Variants in TPTE observed in about 807,000 individuals in gnomAD.
TPTE encodes putative tyrosine-protein phosphatase TPTE.
In TPTE, 59 loss-of-function variants were observed where a neutral mutation model predicts 84.1. The observed-to-expected ratio is 0.70, with a 90% CI of 0.57 to 0.87. TPTE has a LOEUF of 0.87. Among genes scored for constraint, TPTE ranks in the 40% least tolerant of loss-of-function variants. TPTE has a pLI of 0.00. For missense variants in TPTE, 382 were observed against 659.6 expected, an observed-to-expected ratio of 0.58 and a Z score of 4.61; for synonymous variants, 130 against 223.5, an observed-to-expected ratio of 0.58 and a Z score of 3.73.
At chr21:10,553,622 T>C (rs560561395) in intron 8 of TPTE, among the ~76,000 whole-genome samples, 1 of 152,426 alleles carries the variant, frequency 6.6e-6, no homozygotes, top group South Asian at 2.1e-4. Context: ...TTTTATTTTA[T>C]TTTTAAATTA....
chr21:10,556,347 C>T (rs2074683274), intron 8 of TPTE, among the ~76,000 whole-genome samples: 1 of 152,312 alleles, frequency 6.6e-6, no homozygotes, highest in African/African-American at 2.4e-5. Flanking sequence ...CCAGCTTCAT[C>T]CATGTCCCTA....
At chr21:10,594,441 A>G (rs1277504951) in intron 19 of TPTE, among the ~76,000 whole-genome samples, 4 of 152,296 alleles carry the variant, frequency 2.6e-5, no homozygotes, top group African/African-American at 7.2e-5. Context: ...CCCTTTTCTC[A>G]TAATGTTTTC....
chr21:10,540,990 T>TA, intron 4 of TPTE, 122 bp from the exon 5 acceptor site: 1 of 1,425,550 alleles, frequency 7.0e-7, no homozygotes, highest in Non-Finnish European at 9.7e-7. Context: ...AATTTAGTGA[T>TA]ATACATACAT....
intron 8 of TPTE, among the ~76,000 whole-genome samples, chr21:10,555,287 A>G (rs543499086): frequency 3.5e-3 from 535 of 152,170 alleles, no homozygotes; most frequent in African/African-American, 8.2e-3. Flanking sequence ...GCTCACTGCA[A>G]CCTCCACTTC....
intron 3 of TPTE, among the ~76,000 whole-genome samples, chr21:10,531,353 G>A (rs1490022677): frequency 1.3e-5 from 2 of 152,308 alleles, no homozygotes; most frequent in South Asian, 2.1e-4. Context: ...AGAGACAAGC[G>A]GCTTCCCGCA....
In TPTE at chr21:10,598,085, A is replaced by C. The variant is rs540023549; in HGVS notation, c.1347A>C (p.Gly449=). 2.5e-5 allele frequency: 41 copies of C among 1,613,608 alleles called. No individual in the cohort carries two copies. The South Asian group carries it at 4.3e-4, about 17-fold the overall frequency. ...KKVVFSTISL[G]KCSVLDNITT... ...TTGTCTTTTCCACTATTTCATTAGGAAAATGTTCGGTAAGAGAAAACATGT... is the reference window on the plus strand; with the variant it reads ...TTGTCTTTTCCACTATTTCATTAGGCAAATGTTCGGTAAGAGAAAACATGT... The change falls in exon 21 of 24, where the codon GGA becomes GGC. Residue 449 remains glycine (G), a synonymous_variant. Transcript: ENST00000618007.
At chr21:10,584,951 C>T (rs1303968146) in intron 17 of TPTE, among the ~76,000 whole-genome samples, 122 of 151,922 alleles carry the variant, frequency 8.0e-4, no homozygotes, top group African/African-American at 2.9e-3. Context: ...AATTCCTTGG[C>T]TGGGCGCCTT....
intron 3 of TPTE, among the ~76,000 whole-genome samples, chr21:10,537,721 A>G (rs2074293002): frequency 6.6e-6 from 1 of 152,300 alleles, no homozygotes; most frequent in South Asian, 2.1e-4. Flanking sequence ...AAATCAATAT[A>G]GATATAAGGA....
At chr21:10,584,914 G>T (rs1207962548) in intron 17 of TPTE, among the ~76,000 whole-genome samples, 1 of 151,954 alleles carries the variant, frequency 6.6e-6, no homozygotes, top group Non-Finnish European at 1.5e-5. Flanking sequence ...GTGTGTGTGT[G>T]TATTAGTGAC....
At chr21:10,546,830 A>T (rs971259694) in intron 7 of TPTE, among the ~76,000 whole-genome samples, 6 of 152,306 alleles carry the variant, frequency 3.9e-5, no homozygotes, top group African/African-American at 9.6e-5. Context: ...AGGTTTGTTC[A>T]TGAGGTTTAA....
intron 17 of TPTE, among the ~76,000 whole-genome samples, chr21:10,582,587 ATTCT>A: frequency 6.6e-6 from 1 of 152,312 alleles, no homozygotes; most frequent in African/African-American, 2.4e-5. Flanking sequence ...CATCTTGTTC[ATTCT>A]TTAATAATAT....
intron 2 of TPTE, among the ~76,000 whole-genome samples, chr21:10,526,683 G>A (rs1486134697): frequency 2.6e-5 from 4 of 152,308 alleles, no homozygotes; most frequent in African/African-American, 7.2e-5. Flanking sequence ...AACTAAAAAT[G>A]TGTATCCGTT....
chr21:10,605,376 G>T, intron 23 of TPTE, 41 bp from the exon 24 acceptor site: 1 of 1,603,190 alleles, frequency 6.2e-7, no homozygotes, highest in Non-Finnish European at 8.5e-7. Context: ...GCTTTTCAGT[G>T]AGCCCCAATA....
intron 6 of TPTE, among the ~76,000 whole-genome samples, chr21:10,542,662 A>G (rs780419073): frequency 5.3e-5 from 8 of 152,302 alleles, no homozygotes; most frequent in Admixed American, 6.5e-5. Context: ...ATCCATGCAC[A>G]TGATGGAAAC....
At chr21:10,542,866 A>G (rs1409774401) in intron 6 of TPTE, among the ~76,000 whole-genome samples, 26 of 152,288 alleles carry the variant, frequency 1.7e-4, no homozygotes, top group Admixed American at 3.9e-4. Context: ...TTCTTCCTGT[A>G]ATGTATTTGC....
intron 8 of TPTE, 132 bp downstream of exon 8, chr21:10,552,848 G>A (rs2074604549): frequency 2.0e-6 from 3 of 1,478,468 alleles, no homozygotes; most frequent in African/African-American, 2.8e-5. Context: ...GGGTGGGAGT[G>A]TACACCGTAT....
chr21:10,534,600 A>G (rs2074235909), intron 3 of TPTE, among the ~76,000 whole-genome samples: 1 of 152,312 alleles, frequency 6.6e-6, no homozygotes, highest in African/African-American at 2.4e-5. Flanking sequence ...TGATATCACT[A>G]AACCATGATG....
intron 4 of TPTE, among the ~76,000 whole-genome samples, chr21:10,539,544 T>C (rs111372435): frequency 8.5e-5 from 13 of 152,422 alleles, no homozygotes; most frequent in African/African-American, 2.9e-4. Flanking sequence ...CTGTCTGTCG[T>C]GCATTGGCCA....
At chr21:10,573,013 C>G (rs1379567725) in intron 14 of TPTE, among the ~76,000 whole-genome samples, 1 of 151,254 alleles carries the variant, frequency 6.6e-6, no homozygotes, top group African/African-American at 2.4e-5. Flanking sequence ...GTAATGTAAA[C>G]AGATCAAATT....
Sources: allele counts gnomAD v4.1 joint callset (sites outside exome capture counted in the v4.1 genomes callset), GRCh38; gene constraint gnomAD v4.1.1; transcripts MANE v1.5; gene names NCBI Gene and HGNC (gene_info 2026-07-23, HGNC 2026-07-21).